Variants in KIF24 observed in about 807,000 individuals in gnomAD.
KIF24 encodes kinesin-like protein KIF24.
Under a neutral mutation model 118.9 loss-of-function variants are expected in KIF24, and 81 were observed. The observed-to-expected ratio is 0.68, with a 90% confidence interval of 0.57 to 0.82. The LOEUF (loss-of-function observed/expected upper bound fraction) is 0.82. Among genes scored for constraint, KIF24 ranks in the 40% least tolerant of loss-of-function variants. KIF24 has a pLI of 0.00. For missense variants in KIF24, 1,560 were observed against 1,661.6 expected (o/e 0.94, Z 1.06); for synonymous variants, 599 against 610.0 (o/e 0.98, Z 0.27).
At chr9:34,263,517 C>T (rs908096533) in intron 8 of KIF24, among the ~76,000 whole-genome samples, 3 of 152,174 alleles carry the variant, frequency 2.0e-5, no homozygotes, top group African/African-American at 7.2e-5. Flanking sequence ...CTCCCTTTCT[C>T]TCCTCACATT....
At chr9:34,280,425 C>T (rs1166897016) in intron 6 of KIF24, among the ~76,000 whole-genome samples, 7 of 151,800 alleles carry the variant, frequency 4.6e-5, no homozygotes, top group South Asian at 2.1e-4. Flanking sequence ...TTGCTTCTTT[C>T]GCCTTTAATT....
Position 34,252,786 on chromosome 9 carries a change from G to C in KIF24, c.*1594C>G, listed in dbSNP as rs1023056049. ...CCTTCCTGACTGTGGAGTTGGGATAGGCTGGGCCTTCAGGGGGATCACCCA... is the reference window on the plus strand; with the variant it reads ...CCTTCCTGACTGTGGAGTTGGGATACGCTGGGCCTTCAGGGGGATCACCCA... On this transcript the variant is annotated 3_prime_UTR_variant, in exon 13 of 13. Transcript: ENST00000402558. The C allele has an allele frequency of 6.6e-6, 1 of 152,024 alleles. No individual in the cohort carries two copies. The highest frequency in any genetic ancestry group is 1.5e-5 in the Non-Finnish European group (1 of 68,034). 9.4% of individuals were successfully genotyped at this position (152,024 alleles called of 1,614,324 possible).
chr9:34,318,606 T>C lies in KIF24; in HGVS notation c.-25-7235A>G. On this transcript the variant is annotated intron_variant, in intron 1 of 12. Transcript: ENST00000402558. The surrounding 1 kb of genome is among the most constrained non-coding windows in gnomAD (Gnocchi z 4.9). Reference sequence around the variant, plus strand: ...AAGGACCAGGCGGTGGAGAACATCCTGGTGTCGCCCGTGGTGGTGGCCTCG... The same window carrying C: ...AAGGACCAGGCGGTGGAGAACATCCCGGTGTCGCCCGTGGTGGTGGCCTCG... 6.8e-7 allele frequency: 1 copy of C among 1,473,924 alleles called. No homozygotes were observed. Among genetic ancestry groups the C allele is most frequent in the South Asian group, 1.2e-5 (1 of 86,036 alleles). 91.3% of individuals were successfully genotyped at this position (1,473,924 alleles called of 1,614,324 possible). A position where few individuals can be genotyped will look rare whatever the true frequency, so the allele number is the denominator to read the frequency against.
chr9:34,277,102 A>C (rs1835684667), intron 6 of KIF24, among the ~76,000 whole-genome samples: 2 of 152,218 alleles, frequency 1.3e-5, no homozygotes, highest in South Asian at 4.1e-4. Flanking sequence ...TTACTGTGGA[A>C]AACTTGGAAA....
At chr9:34,329,626 T>C (rs1837820453), upstream of KIF24, 1 of 152,250 alleles carries the variant, frequency 6.6e-6, no homozygotes, top group East Asian at 1.9e-4. Flanking sequence ...GCCCACTTGA[T>C]TTTAGTTCTC....
intron 1 of KIF24, among the ~76,000 whole-genome samples, chr9:34,311,754 ATG>A (rs1264775543): frequency 6.8e-5 from 10 of 146,494 alleles, no homozygotes; most frequent in African/African-American, 2.3e-4. Flanking sequence ...ATACGTATAT[ATG>A]TGTATATATA....
rs1170163361 is a variant in KIF24, at chr9:34,310,974, A to G, written c.373T>C (p.Ser125Pro). ...TAAGTGGACTTCTGTTCATTTGCAG[A>G]GAAATCTGATAAACTGCACATTTCA... ...GFEMCSLSDF[S>P]ANEQKSTYLK... The change falls in exon 2 of 13, where the codon TCT (serine) becomes CCT (proline). Residue 125 changes from serine (S) to proline (P), a missense_variant. Physicochemically the swap from Ser to Pro is moderately conservative, Grantham distance 74 (BLOSUM62 -1). Coordinates refer to ENST00000402558, the MANE Select transcript of KIF24 (RefSeq NM_194313.4). The G allele has an allele frequency of 6.2e-7, 1 of 1,613,878 alleles. No homozygotes were observed. The highest frequency in any genetic ancestry group is 8.5e-7 in the Non-Finnish European group (1 of 1,179,882).
At chr9:34,308,386 C>T (rs886984830) in intron 2 of KIF24, among the ~76,000 whole-genome samples, 7 of 151,720 alleles carry the variant, frequency 4.6e-5, no homozygotes, top group African/African-American at 1.2e-4. Context: ...TGGGTTCAAG[C>T]GATTTTCCTA....
intron 6 of KIF24, among the ~76,000 whole-genome samples, chr9:34,284,731 G>T (rs1835971337): frequency 6.6e-6 from 1 of 152,058 alleles, no homozygotes; most frequent in Admixed American, 6.6e-5. Flanking sequence ...GATAATAGGG[G>T]GGTGTTATTG....
Position 34,297,119 on chromosome 9 carries a change from A to G in KIF24, c.814-5T>C. The G allele has an allele frequency of 6.6e-7, 1 of 1,517,498 alleles. No individual in the cohort carries two copies. Among genetic ancestry groups the G allele is most frequent in the Non-Finnish European group, 9.0e-7 (1 of 1,111,236 alleles). The allele number at this position is 1,517,498 out of a possible 1,614,324, so 94.0% of individuals were successfully genotyped here. A position where few individuals can be genotyped will look rare whatever the true frequency, so the allele number is the denominator to read the frequency against. On this transcript the variant is annotated splice_region_variant and splice_polypyrimidine_tract_variant and intron_variant, in intron 3 of 12. Coordinates refer to ENST00000402558, the MANE Select transcript of KIF24 (RefSeq NM_194313.4). Reference sequence around the variant, plus strand: ...TTCATCAAAATAAAAAACATGCTGAAAAATAAATTTGATTTTATGGAAAGA... The same window carrying G: ...TTCATCAAAATAAAAAACATGCTGAGAAATAAATTTGATTTTATGGAAAGA...
chr9:34,255,238 T>C (rs1834779404), intron 11 of KIF24, 73 bp from the exon 12 acceptor site: 9 of 943,360 alleles, frequency 9.5e-6, no homozygotes, highest in Non-Finnish European at 1.5e-5. Flanking sequence ...CTGGAGGTGA[T>C]CTCATTTGTA....
Position 34,252,690 on chromosome 9 carries a change from G to A in KIF24, c.*1690C>T, listed in dbSNP as rs1834641352. 1 of 152,088 alleles carries A rather than the reference G, an allele frequency of 6.6e-6. No homozygotes were observed. The highest frequency in any genetic ancestry group is 2.4e-5 in the African/African-American group (1 of 41,400). The allele number at this position is 152,088 out of a possible 1,614,324, so 9.4% of individuals were successfully genotyped here. Reference sequence around the variant, plus strand: ...CACTTCAGACCTGTCCTCGTTTTTGGTTTGCAAAGGCAAGCCTAGACTGAG... The same window carrying A: ...CACTTCAGACCTGTCCTCGTTTTTGATTTGCAAAGGCAAGCCTAGACTGAG... On this transcript the variant is annotated 3_prime_UTR_variant, in exon 13 of 13. Transcript: ENST00000402558.
chr9:34,322,724 T>C (rs1442568562), intron 1 of KIF24, among the ~76,000 whole-genome samples: 1 of 152,070 alleles, frequency 6.6e-6, no homozygotes, highest in Non-Finnish European at 1.5e-5. Context: ...TGTGGTGATG[T>C]ATGCCTTTAG....
intron 3 of KIF24, among the ~76,000 whole-genome samples, chr9:34,304,444 C>T (rs1481402910): frequency 3.3e-5 from 5 of 152,020 alleles, no homozygotes; most frequent in Non-Finnish European, 7.4e-5. Flanking sequence ...CAGAAAAATA[C>T]GAAAGATAAG....
intron 4 of KIF24, among the ~76,000 whole-genome samples, chr9:34,290,899 C>T (rs1836232710): frequency 6.6e-6 from 1 of 152,074 alleles, no homozygotes; most frequent in Non-Finnish European, 1.5e-5. Flanking sequence ...CACACCCAGC[C>T]TGAGTTTTCT....
At chr9:34,298,500 C>G (rs373023840) in intron 3 of KIF24, among the ~76,000 whole-genome samples, 1 of 150,708 alleles carries the variant, frequency 6.6e-6, no homozygotes, top group Non-Finnish European at 1.5e-5. Context: ...GAGCTGAGAT[C>G]GCACCATTGC....
In KIF24 at chr9:34,257,697, G is replaced by A. The variant is rs1834909156; in HGVS notation, c.1910C>T (p.Pro637Leu). 1 of 1,613,904 alleles carries A rather than the reference G, an allele frequency of 6.2e-7. No homozygotes were observed. The highest frequency in any genetic ancestry group is 1.7e-5 in the Admixed American group (1 of 59,998). The change falls in exon 11 of 13, where the codon CCT becomes CTT. Residue 637 changes from proline (P) to leucine (L), a missense_variant. Coordinates refer to ENST00000402558, the MANE Select transcript of KIF24 (RefSeq NM_194313.4). ...SGKRGGSRGSPSQEWVIHASP... is the reference protein window; with the variant it reads ...SGKRGGSRGSLSQEWVIHASP... ...AGCATGAATGACCCACTCTTGTGAA[G>A]GACTCCCTCTGGAGCCACCCCTTTT...
At chr9:34,273,178 A>AT (rs1249470486) in intron 6 of KIF24, among the ~76,000 whole-genome samples, 2 of 151,458 alleles carry the variant, frequency 1.3e-5, no homozygotes, top group African/African-American at 4.9e-5. Context: ...TGGACAATGT[A>AT]TTTTTTCTTT....
chr9:34,290,748 C>T lies in KIF24; in HGVS notation c.912-359G>A, dbSNP rs546026551. Reference sequence around the variant, plus strand: ...CTGAGTAGCTGGAAGTACAGGTGTGCGCCACCATACCGGGCTAATTTTTGT... The same window carrying T: ...CTGAGTAGCTGGAAGTACAGGTGTGTGCCACCATACCGGGCTAATTTTTGT... On this transcript the variant is annotated intron_variant, in intron 4 of 12. Transcript: ENST00000402558. Among the ~76,000 whole-genome samples the T allele has an allele frequency of 2.0e-4, 30 of 152,004 alleles. No individual in the cohort carries two copies. In the East Asian group the frequency reaches 5.0e-3, roughly 25 times the overall value.
Sources: gnomAD v4.1 joint callset for allele counts (sites outside exome capture counted in the v4.1 genomes callset) on GRCh38, gnomAD v4.1.1 for gene constraint, Gnocchi (gnomAD v3.1) non-coding constraint, MANE v1.5 for transcripts, NCBI Gene and HGNC (gene_info 2026-07-23, HGNC 2026-07-21) for gene names.